The following NUFIP2 variants were observed in gnomAD, a reference collection of about 807,000 sequenced individuals.
NUFIP2 encodes the protein FMR1-interacting protein NUFIP2.
Under a neutral mutation model 56.9 loss-of-function variants are expected in NUFIP2, and 6 were observed. The observed-to-expected ratio is 0.11, with a 90% confidence interval of 0.06 to 0.21. NUFIP2 has a LOEUF of 0.21. Ranked by LOEUF, NUFIP2 falls within the 10% of genes least tolerant of loss-of-function variation. The pLI is 1.00. For synonymous variants in NUFIP2, 321 were observed against 298.2 expected (o/e 1.08, Z -0.79); for missense variants, 828 against 826.8 (o/e 1.00, Z -0.02).
rs778025340 is a variant in NUFIP2, at chr17:29,287,710, C to G, written c.284G>C (p.Gly95Ala). ...QETPKKKTGYGELNGNAGERE... is the reference protein window; with the variant it reads ...QETPKKKTGYAELNGNAGERE... ...TTCTCCAGCATTACCGTTTAGTTCA[C>G]CATAGCCTAGGGGAGGGGAAAAAAA... The change falls in exon 2 of 4, where the codon GGT (glycine) becomes GCT (alanine). Residue 95 changes from glycine (G) to alanine (A), a missense_variant. Transcript: ENST00000225388. 1 of 1,596,442 alleles carries G rather than the reference C, an allele frequency of 6.3e-7. No homozygotes were observed. Among genetic ancestry groups the G allele is most frequent in the East Asian group, 2.2e-5 (1 of 44,600 alleles).
In NUFIP2 at chr17:29,262,297, T is replaced by A. The variant is rs2069008212; in HGVS notation, c.*2242A>T. The A allele has an allele frequency of 6.6e-6, 1 of 152,572 alleles. No homozygotes were observed. Among genetic ancestry groups the A allele is most frequent in the Non-Finnish European group, 1.5e-5 (1 of 68,020 alleles). 9.5% of individuals were successfully genotyped at this position (152,572 alleles called of 1,614,324 possible). On this transcript the variant is annotated 3_prime_UTR_variant, in exon 4 of 4. Coordinates refer to ENST00000225388, the MANE Select transcript of NUFIP2 (RefSeq NM_020772.3). ...GCGACAAGTGGTTACACAAGGCAAT[T>A]GAACACACAGCAGAACTTTAAAACC...
At position 29,263,460 on chromosome 17, in the gene NUFIP2, C is replaced by T. The variant is rs2069015692; in HGVS notation, c.*1079G>A. On this transcript the variant is annotated 3_prime_UTR_variant, in exon 4 of 4. Coordinates refer to ENST00000225388, the MANE Select transcript of NUFIP2 (RefSeq NM_020772.3). ...TCAGGGTTTATTATCTTCTCACTGG[C>T]TAAAAACATGAAAAGTTTTAGTTTT... is the stretch of plus-strand genomic sequence containing the variant. 6.6e-6 allele frequency: 1 copy of T among 152,542 alleles called. No homozygotes were observed. The highest frequency in any genetic ancestry group is 1.5e-5 in the Non-Finnish European group (1 of 68,016). The allele number at this position is 152,542 out of a possible 1,614,324, so 9.4% of individuals were successfully genotyped here.
chr17:29,268,891 G>A (rs2069055179), intron 2 of NUFIP2, among the ~76,000 whole-genome samples: 1 of 151,986 alleles, frequency 6.6e-6, no homozygotes, highest in African/African-American at 2.4e-5. Context: ...ATTATTAATG[G>A]CACACAATCA....
At chr17:29,292,887 G>GGGC (rs1445440470) in intron 1 of NUFIP2, among the ~76,000 whole-genome samples, 2 of 145,992 alleles carry the variant, frequency 1.4e-5, no homozygotes, top group African/African-American at 5.0e-5. Context: ...GCGACGGGGG[G>GGGC]GGGGGCGGCC....
intron 2 of NUFIP2, among the ~76,000 whole-genome samples, chr17:29,270,295 G>T (rs1183761365): frequency 6.8e-6 from 1 of 146,802 alleles, no homozygotes; most frequent in Non-Finnish European, 1.5e-5. Context: ...GGTCTAAAAA[G>T]GGGAGAACTA....
At chr17:29,277,778 C>T (rs1044536582) in intron 2 of NUFIP2, among the ~76,000 whole-genome samples, 1 of 152,040 alleles carries the variant, frequency 6.6e-6, no homozygotes, top group Non-Finnish European at 1.5e-5. Flanking sequence ...TTTGGGAGGC[C>T]GAGGTGGGTG....
chr17:29,284,605 C>T (rs889342783), intron 2 of NUFIP2, among the ~76,000 whole-genome samples: 1 of 144,166 alleles, frequency 6.9e-6, no homozygotes, highest in African/African-American at 2.6e-5. Flanking sequence ...ACGTGGGAGG[C>T]TGAGGCAGGA....
chr17:29,289,314 C>T (rs1377524107), intron 1 of NUFIP2, among the ~76,000 whole-genome samples: 4 of 151,906 alleles, frequency 2.6e-5, no homozygotes, highest in East Asian at 1.9e-4. Flanking sequence ...ATATACAGGC[C>T]GGGTGCAGTG....
In NUFIP2 at chr17:29,263,245, T is replaced by G. The variant is rs1430970826; in HGVS notation, c.*1294A>C. ...TTAGCATGCTATACACAAGCTGCAG[T>G]GCAACAGGATGGCAATGTAATGATA... On this transcript the variant is annotated 3_prime_UTR_variant, in exon 4 of 4. Transcript: ENST00000225388. 6.6e-6 allele frequency: 1 copy of G among 152,604 alleles called. No individual in the cohort carries two copies. Among genetic ancestry groups the G allele is most frequent in the African/African-American group, 2.4e-5 (1 of 41,446 alleles). 9.5% of individuals were successfully genotyped at this position (152,604 alleles called of 1,614,324 possible).
At position 29,289,198 on chromosome 17, in the gene NUFIP2, T is replaced by C. The variant is rs370605107; in HGVS notation, c.278-1482A>G. ...CTACCATAAAAAGTCAATTCTATTA[T>C]AGGTGATTCAAATAGTTTTCCACTG... is the stretch of plus-strand genomic sequence containing the variant. On this transcript the variant is annotated intron_variant, in intron 1 of 3. Coordinates refer to ENST00000225388, the MANE Select transcript of NUFIP2 (RefSeq NM_020772.3). Among the ~76,000 whole-genome samples the C allele has an allele frequency of 1.7e-3, 254 of 152,336 alleles. 1 individual carries two copies. Among genetic ancestry groups the C allele is most frequent in the African/African-American group, 5.9e-3 (244 of 41,584 alleles).
At position 29,286,327 on chromosome 17, in the gene NUFIP2, G is replaced by A; in HGVS notation, c.1667C>T (p.Thr556Ile). 1 of 1,614,118 alleles carries A rather than the reference G, an allele frequency of 6.2e-7. No homozygotes were observed. Residue 556 changes from threonine (T) to isoleucine (I), a missense_variant, in exon 2 of 4, where the codon ACT (threonine) becomes ATT (isoleucine). Around this residue, in one of 3 missense-constraint regions of NUFIP2, gnomAD observed 404 missense variants for 380.3 expected, o/e 1.06. Transcript: ENST00000225388. The part of the protein sequence containing the change: ...SQGAEIIPSG[T>I]EHPVFPKAYE... Reference sequence around the variant, plus strand: ...AGCCTTGGGAAACACAGGATGCTCAGTTCCTGAGGGAATTATTTCAGCACC... The same window carrying A: ...AGCCTTGGGAAACACAGGATGCTCAATTCCTGAGGGAATTATTTCAGCACC...
chr17:29,263,810 TAACTATGTACCATC>T lies in NUFIP2; in HGVS notation c.*715_*728del, dbSNP rs2069017760. On this transcript the variant is annotated 3_prime_UTR_variant, in exon 4 of 4. Transcript: ENST00000225388. ...GTCCAATATGTAACCGAAGCCAAGT[TAACTATGTACCATC>T]AACTAACTATTCCAGAATTGTAGAA... is the stretch of plus-strand genomic sequence containing the variant. The T allele has an allele frequency of 1.3e-5, 2 of 152,594 alleles. No homozygotes were observed. The highest frequency in any genetic ancestry group is 2.9e-5 in the Non-Finnish European group (2 of 68,040). 9.5% of individuals were successfully genotyped at this position (152,594 alleles called of 1,614,324 possible).
rs1022766511 is a variant in NUFIP2 at position 29,264,405 on chromosome 17, T to A, written c.*134A>T. 6.3e-6 allele frequency: 2 copies of A among 315,644 alleles called. No homozygotes were observed. The highest frequency in any genetic ancestry group is 6.3e-5 in the South Asian group (1 of 15,890). 19.6% of individuals were successfully genotyped at this position (315,644 alleles called of 1,614,324 possible). A position where few individuals can be genotyped will look rare whatever the true frequency, so the allele number is the denominator to read the frequency against. On this transcript the variant is annotated 3_prime_UTR_variant, in exon 4 of 4. Coordinates refer to ENST00000225388, the MANE Select transcript of NUFIP2 (RefSeq NM_020772.3). Reference sequence around the variant, plus strand: ...TATATATATATGTATATATATATATTTGTATATATTATCCTGTGATTCTAC... The same window carrying A: ...TATATATATATGTATATATATATATATGTATATATTATCCTGTGATTCTAC...
intron 1 of NUFIP2, among the ~76,000 whole-genome samples, chr17:29,289,664 G>A (rs1049492193): frequency 6.6e-6 from 1 of 152,124 alleles, no homozygotes; most frequent in Non-Finnish European, 1.5e-5. Context: ...AGGAAGTGAG[G>A]AGTCTAATAG....
chr17:29,276,042 A>C (rs914533359), intron 2 of NUFIP2, among the ~76,000 whole-genome samples: 2 of 150,260 alleles, frequency 1.3e-5, no homozygotes, highest in African/African-American at 4.9e-5. Flanking sequence ...ATATATATAT[A>C]TATATATCTG....
intron 2 of NUFIP2, among the ~76,000 whole-genome samples, chr17:29,268,045 C>T (rs2069049122): frequency 6.6e-6 from 1 of 151,776 alleles, no homozygotes; most frequent in African/African-American, 2.4e-5. Flanking sequence ...ATTACAGGTG[C>T]CCGCCACCAC....
intron 2 of NUFIP2, among the ~76,000 whole-genome samples, chr17:29,268,735 G>T (rs1037248294): frequency 1.3e-5 from 2 of 151,816 alleles, no homozygotes; most frequent in African/African-American, 4.8e-5. Flanking sequence ...CTCCTTGTTT[G>T]TGAGGCTGGT....
chr17:29,272,777 G>C (rs1189221586), intron 2 of NUFIP2, among the ~76,000 whole-genome samples: 5 of 151,432 alleles, frequency 3.3e-5, no homozygotes, highest in African/African-American at 1.2e-4. Context: ...AAAAATTTTG[G>C]ATCTTGAAGC....
intron 2 of NUFIP2, among the ~76,000 whole-genome samples, chr17:29,272,565 G>C (rs2153011277): frequency 6.6e-6 from 1 of 152,218 alleles, no homozygotes; most frequent in South Asian, 2.1e-4. Context: ...TTAATGTTTT[G>C]ACTATCCCTG....
Sources: allele counts gnomAD v4.1 joint callset (sites outside exome capture counted in the v4.1 genomes callset), GRCh38; gene constraint gnomAD v4.1.1; regional missense constraint gnomAD v4.1.1; transcripts MANE v1.5; gene names NCBI Gene and HGNC (gene_info 2026-07-23, HGNC 2026-07-21).